RAD54L2: variants seen among roughly 807,000 people sequenced by gnomAD.
The protein encoded by RAD54L2 is helicase ARIP4.
RAD54L2 carries 27 observed loss-of-function variants against 138.4 expected under a neutral mutation model. The ratio of observed to expected loss-of-function variants is 0.20; its 90% CI spans 0.14 to 0.27. The LOEUF (loss-of-function observed/expected upper bound fraction) is 0.27. RAD54L2 is among the 10% of genes least tolerant of loss of function. The pLI is 1.00. For synonymous variants in RAD54L2, 644 were observed against 723.2 expected (o/e 0.89, Z 1.76); for missense variants, 1,396 against 1,890.2 (o/e 0.74, Z 4.85).
chr3:51,594,066 CTTTTTTTTTTTT>C (rs904101025), intron 3 of RAD54L2, among the ~76,000 whole-genome samples: 12 of 105,138 alleles, frequency 1.1e-4, no homozygotes, highest in Non-Finnish European at 2.0e-4. Context: ...TTTTCTTTTT[CTTTTTTTTTTTT>C]TTTTTTTTTT....
At chr3:51,635,899 A>T in intron 10 of RAD54L2, 110 bp downstream of exon 10, 1 of 1,168,366 alleles carries the variant, frequency 8.6e-7, no homozygotes. Flanking sequence ...GTGAATTGTT[A>T]TCATGGACCA....
intron 10 of RAD54L2, among the ~76,000 whole-genome samples, 190 bp downstream of exon 10, chr3:51,635,979 G>C (rs1315242592): frequency 1.3e-5 from 2 of 152,208 alleles, no homozygotes; most frequent in Non-Finnish European, 2.9e-5. Context: ...TTCTCTGCCA[G>C]CTGTGCAGTT....
intron 15 of RAD54L2, among the ~76,000 whole-genome samples, chr3:51,643,353 C>T: frequency 6.6e-6 from 1 of 152,216 alleles, no homozygotes; most frequent in Non-Finnish European, 1.5e-5. Context: ...TTTTTTCTCC[C>T]TCTTTGGAGC....
chr3:51,632,289 C>CTGT lies in RAD54L2; in HGVS notation c.826-1267_826-1265dup, dbSNP rs551445567. On this transcript the variant is annotated intron_variant, in intron 7 of 22. Coordinates refer to ENST00000684192, the MANE Select transcript of RAD54L2 (RefSeq NM_015106.4). ...TGCATAACTCAGCTTAAAAACTCTTCTGTTGTTGTTGTTGTTGTTGTTGAG... is the reference window on the plus strand; with the variant it reads ...TGCATAACTCAGCTTAAAAACTCTTCTGTTGTTGTTGTTGTTGTTGTTGTTGAG... Among the ~76,000 whole-genome samples the CTGT allele has an allele frequency of 3.8e-4, 57 of 151,990 alleles. No individual in the cohort carries two copies. The East Asian group carries it at 3.9e-3, about 10-fold the overall frequency.
chr3:51,666,906 A>G lies in RAD54L2; in HGVS notation c.*3486A>G, dbSNP rs1701923165. The G allele has an allele frequency of 6.6e-6, 1 of 152,160 alleles. No individual in the cohort carries two copies. The highest frequency in any genetic ancestry group is 1.5e-5 in the Non-Finnish European group (1 of 68,046). 9.4% of individuals were successfully genotyped at this position (152,160 alleles called of 1,614,324 possible). A position where few individuals can be genotyped will look rare whatever the true frequency, so the allele number is the denominator to read the frequency against. ...TCTATATGCTTGTGATTCACAACTAAATATGAAATTTCTCAATTCAGGAGC... is the reference window on the plus strand; with the variant it reads ...TCTATATGCTTGTGATTCACAACTAGATATGAAATTTCTCAATTCAGGAGC... On this transcript the variant is annotated 3_prime_UTR_variant, in exon 23 of 23. Coordinates refer to ENST00000684192, the MANE Select transcript of RAD54L2 (RefSeq NM_015106.4).
intron 3 of RAD54L2, among the ~76,000 whole-genome samples, chr3:51,614,026 T>C (rs1700390633): frequency 6.6e-6 from 1 of 152,184 alleles, no homozygotes; most frequent in African/African-American, 2.4e-5. Flanking sequence ...CATTATCTAA[T>C]CCCAAATGTT....
intron 3 of RAD54L2, among the ~76,000 whole-genome samples, chr3:51,593,039 G>A (rs570534448): frequency 2.0e-5 from 3 of 152,124 alleles, no homozygotes; most frequent in African/African-American, 7.2e-5. Flanking sequence ...GTTTTAGTTG[G>A]TGTAGTGTGA....
chr3:51,539,747 G>A (rs1343292559), intron 1 of RAD54L2, among the ~76,000 whole-genome samples: 7 of 152,160 alleles, frequency 4.6e-5, no homozygotes, highest in African/African-American at 1.4e-4. Context: ...TCCTGATGGA[G>A]AGTGACCTCT....
intron 2 of RAD54L2, among the ~76,000 whole-genome samples, chr3:51,556,802 C>T (rs1317173935): frequency 6.6e-6 from 1 of 152,076 alleles, no homozygotes; most frequent in Non-Finnish European, 1.5e-5. Context: ...TGTCAAACTC[C>T]TGACCAAAGG....
chr3:51,545,577 T>A (rs782461213), intron 2 of RAD54L2, among the ~76,000 whole-genome samples: 4 of 152,048 alleles, frequency 2.6e-5, no homozygotes. Context: ...TTTAAATTTT[T>A]AATTTTTTTT....
intron 3 of RAD54L2, among the ~76,000 whole-genome samples, chr3:51,617,712 C>T (rs1376812779): frequency 6.6e-6 from 1 of 152,002 alleles, no homozygotes; most frequent in East Asian, 1.9e-4. Flanking sequence ...CCTGTCTCTA[C>T]AAAAAATTTA....
intron 3 of RAD54L2, among the ~76,000 whole-genome samples, chr3:51,604,922 T>C (rs930304424): frequency 6.6e-6 from 1 of 152,020 alleles, no homozygotes; most frequent in Non-Finnish European, 1.5e-5. Flanking sequence ...TGGTCTTTTT[T>C]CTTTTTTTCT....
intron 3 of RAD54L2, among the ~76,000 whole-genome samples, chr3:51,597,584 T>C (rs989904062): frequency 1.3e-5 from 2 of 152,110 alleles, no homozygotes; most frequent in African/African-American, 2.4e-5. Flanking sequence ...CTCCAGCACC[T>C]TGGGAGGCCA....
chr3:51,573,135 C>T (rs1699379039), intron 2 of RAD54L2, among the ~76,000 whole-genome samples: 1 of 152,058 alleles, frequency 6.6e-6, no homozygotes, highest in East Asian at 1.9e-4. Flanking sequence ...CAAAACTGGG[C>T]CACGTCCATA....
chr3:51,614,076 T>C (rs1385145736), intron 3 of RAD54L2, among the ~76,000 whole-genome samples: 5 of 152,142 alleles, frequency 3.3e-5, no homozygotes, highest in African/African-American at 4.8e-5. Flanking sequence ...AGCCCTGCTA[T>C]CTTTTAAAAA....
intron 2 of RAD54L2, among the ~76,000 whole-genome samples, chr3:51,557,807 G>A (rs1699007312): frequency 7.8e-6 from 1 of 128,174 alleles, no homozygotes; most frequent in Non-Finnish European, 1.6e-5. Context: ...TTCAGCCTGG[G>A]TAACAAGAGG....
chr3:51,622,091 A>G (rs1700579537), intron 3 of RAD54L2, among the ~76,000 whole-genome samples: 1 of 152,218 alleles, frequency 6.6e-6, no homozygotes, highest in Admixed American at 6.6e-5. Context: ...TTTAAAGGAA[A>G]ACAGGGAATT....
Position 51,641,776 on chromosome 3 carries a change from C to T in RAD54L2, c.2259C>T (p.Ile753=), listed in dbSNP as rs201697456. 943 of 1,595,600 alleles carry T rather than the reference C, an allele frequency of 5.9e-4. 11 individuals carry two copies. The South Asian group carries it at 0.01, about 17-fold the overall frequency. The change falls in exon 15 of 23, where the codon ATC becomes ATT. Residue 753 remains isoleucine (I), a synonymous_variant. Coordinates refer to ENST00000684192, the MANE Select transcript of RAD54L2 (RefSeq NM_015106.4). The stretch of plus-strand genomic sequence containing the variant: ...AGAGTCTTTCCACCTTGGCTCTCAT[C>T]GAGGAATTCCTTGGAAAACGAGAAG... ...FSQSLSTLAL[I]EEFLGKREVP... is the part of the protein sequence containing the mutation.
chr3:51,636,978 A>G (rs1700997044), intron 10 of RAD54L2, 183 bp from the exon 11 acceptor site: 2 of 606,414 alleles, frequency 3.3e-6, no homozygotes, highest in Non-Finnish European at 5.8e-6. Context: ...CATTCATACC[A>G]AGTCATACCA....
Sources: gnomAD v4.1 joint callset for allele counts (sites outside exome capture counted in the v4.1 genomes callset) on GRCh38, gnomAD v4.1.1 for gene constraint, MANE v1.5 for transcripts, NCBI Gene and HGNC (gene_info 2026-07-23, HGNC 2026-07-21) for gene names.